The following ZNF473 variants were observed in gnomAD, a reference collection of about 807,000 sequenced individuals.
ZNF473 encodes zinc finger protein 100 homolog.
ZNF473 carries 4 observed loss-of-function variants against 11.1 expected under a neutral mutation model. The observed-to-expected ratio is 0.36, with a 90% CI of 0.18 to 0.82. ZNF473 has a LOEUF of 0.82. Ranked by LOEUF, ZNF473 falls within the 40% of genes least tolerant of loss-of-function variation. ZNF473 has a pLI of 0.49. For synonymous variants in ZNF473, 404 were observed against 390.4 expected, an observed-to-expected ratio of 1.03 and a Z score of -0.41; for missense variants, 854 against 1,084.0, an observed-to-expected ratio of 0.79 and a Z score of 2.98.
At chr19:50,028,312 A>AC (rs979057208) in intron 1 of ZNF473, among the ~76,000 whole-genome samples, 18 of 145,064 alleles carry the variant, frequency 1.2e-4, no homozygotes, top group South Asian at 2.1e-4. Flanking sequence ...AAAAAAAAAA[A>AC]AACAAATTTA....
In ZNF473 at chr19:50,039,480, AGC is replaced by A. The variant is rs57195202; in HGVS notation, c.136+196_136+197del. On this transcript the variant is annotated intron_variant, in intron 3 of 4. Transcript: ENST00000270617. This position sits in a 1 kb window ranked among gnomAD's most constrained non-coding sequence, Gnocchi z 4.8. Reference sequence around the variant, plus strand: ...ATTTTTGATTGTTACTCCTTGGGCCAGCGCAGCGTGCCGCTAGCATCTAGCTG... The same window carrying A: ...ATTTTTGATTGTTACTCCTTGGGCCAGCAGCGTGCCGCTAGCATCTAGCTG... Among the ~76,000 whole-genome samples the A allele has an allele frequency of 0.052, 7,976 of 152,314 alleles. 684 individuals are homozygous for A. Among genetic ancestry groups the A allele is most frequent in the African/African-American group, 0.18 (7,574 of 41,520 alleles).
chr19:50,043,663 A>G (rs1009819984), intron 4 of ZNF473, among the ~76,000 whole-genome samples: 3 of 151,884 alleles, frequency 2.0e-5, no homozygotes, highest in Admixed American at 6.6e-5. Flanking sequence ...GTGGCAGTGG[A>G]TGGATGAGCA....
rs1362613714 is a variant in ZNF473 at position 50,041,839 on chromosome 19, C to T, written c.226+20C>T. ...GCCCTGGTGAGTGGATGGAGAGGGG[C>T]CCCTTGTGTACCTTCTGTCTTCCAG... On this transcript the variant is annotated intron_variant, in intron 4 of 4. Transcript: ENST00000270617. 4.4e-6 allele frequency: 7 copies of T among 1,593,886 alleles called. No individual in the cohort carries two copies. The highest frequency in any genetic ancestry group is 6.0e-6 in the Non-Finnish European group (7 of 1,168,936).
At chr19:50,026,824 G>C (rs1247025578) in intron 1 of ZNF473, among the ~76,000 whole-genome samples, 1 of 152,142 alleles carries the variant, frequency 6.6e-6, no homozygotes, top group Non-Finnish European at 1.5e-5. Context: ...AACTGCTAAA[G>C]GGGTTTCCAG....
intron 1 of ZNF473, among the ~76,000 whole-genome samples, chr19:50,028,241 C>T (rs1364885969): frequency 2.0e-5 from 3 of 148,194 alleles, no homozygotes; most frequent in South Asian, 4.2e-4. Flanking sequence ...GAGCTTGCAG[C>T]GAGCTGAGAT....
chr19:50,047,263 C>G lies in ZNF473; in HGVS notation c.*204C>G. The G allele has an allele frequency of 3.6e-6, 2 of 557,916 alleles. No homozygotes were observed. Among genetic ancestry groups the G allele is most frequent in the Non-Finnish European group, 6.3e-6 (2 of 317,550 alleles). The allele number at this position is 557,916 out of a possible 1,614,324, so 34.6% of individuals were successfully genotyped here. On this transcript the variant is annotated 3_prime_UTR_variant, in exon 5 of 5. Transcript: ENST00000270617. ...CAGGATTCAGAGGTAGGCTCTGGAG[C>G]CAGTCTACCTTGAGTTAAATCCCAC...
chr19:50,046,441 A>G lies in ZNF473; in HGVS notation c.1998A>G (p.Leu666=), dbSNP rs1979128952. 2 of 1,614,138 alleles carry G rather than the reference A, an allele frequency of 1.2e-6. No homozygotes were observed. Among genetic ancestry groups the G allele is most frequent in the African/African-American group, 1.3e-5 (1 of 74,944 alleles). ...GTGCACACCTCTCAAAACATCAGTT[A>G]ATTCACGCTGGAGAGAATCCCTTTA... ...SHSAHLSKHQ[L]IHAGENPFKC... The change falls in exon 5 of 5, where the codon TTA becomes TTG. Residue 666 remains leucine, a synonymous_variant. Transcript: ENST00000270617. This position sits in a 1 kb window ranked among gnomAD's most constrained non-coding sequence, Gnocchi z 5.9.
chr19:50,044,952 T>C lies in ZNF473; in HGVS notation c.509T>C (p.Val170Ala), dbSNP rs1978985448. Residue 170 changes from valine to alanine, a missense_variant, in exon 5 of 5, where the codon GTG (valine) becomes GCG (alanine). Transcript: ENST00000270617. Reference protein sequence around the residue: ...STVSTGEDSMVHNVSEKTLTP... With the variant: ...STVSTGEDSMAHNVSEKTLTP... The stretch of plus-strand genomic sequence containing the variant: ...GTTTCCACGGGAGAAGATTCCATGG[T>C]GCATAATGTTTCTGAAAAGACCCTC... The C allele has an allele frequency of 1.2e-6, 2 of 1,614,178 alleles. No homozygotes were observed. Among genetic ancestry groups the C allele is most frequent in the Non-Finnish European group, 1.7e-6 (2 of 1,180,040 alleles).
chr19:50,041,901 G>T lies in ZNF473; in HGVS notation c.226+82G>T, dbSNP rs144487083. 8.5e-4 allele frequency: 975 copies of T among 1,146,054 alleles called. 22 individuals are homozygous for T. The East Asian group carries it at 0.019, about 22-fold the overall frequency. The allele number at this position is 1,146,054 out of a possible 1,614,324, so 71.0% of individuals were successfully genotyped here. On this transcript the variant is annotated intron_variant, in intron 4 of 4. Coordinates refer to ENST00000270617, the MANE Select transcript of ZNF473 (RefSeq NM_015428.4). ...GAGGCTGCAGCCAGCTTTCCCACAG[G>T]TCTACCGAGACATTACAACGCTCAG...
In ZNF473 at chr19:50,046,339, C is replaced by T. The variant is rs759406236; in HGVS notation, c.1896C>T (p.Ser632=). The change falls in exon 5 of 5, where the codon TCC becomes TCT. Residue 632 remains serine, a synonymous_variant. Transcript: ENST00000270617. This position sits in a 1 kb window ranked among gnomAD's most constrained non-coding sequence, Gnocchi z 5.9. The stretch of plus-strand genomic sequence containing the variant: ...AAGGGAAAGCCATCAGCAGTGCCTC[C>T]CTTATCAAACTTCAGTCCTTCCACA... ...GEQGKAISSA[S]LIKLQSFHTK... is the part of the protein sequence containing the mutation. 1 of 1,614,144 alleles carries T rather than the reference C, an allele frequency of 6.2e-7. No individual in the cohort carries two copies. The highest frequency in any genetic ancestry group is 1.1e-5 in the South Asian group (1 of 91,086).
intron 2 of ZNF473, among the ~76,000 whole-genome samples, chr19:50,036,691 A>G (rs540138081): frequency 1.3e-4 from 20 of 152,128 alleles, no homozygotes; most frequent in African/African-American, 3.9e-4. Flanking sequence ...TCATTTATTC[A>G]TGGAATAATG....
At chr19:50,027,234 G>A (rs1385374235) in intron 1 of ZNF473, among the ~76,000 whole-genome samples, 1 of 152,174 alleles carries the variant, frequency 6.6e-6, no homozygotes, top group Admixed American at 6.5e-5. Flanking sequence ...GGCAAGGTGT[G>A]AATATTCACA....
Position 50,045,059 on chromosome 19 carries a change from G to T in ZNF473, c.616G>T (p.Glu206Ter). 2 of 1,614,196 alleles carry T rather than the reference G, an allele frequency of 1.2e-6. No homozygotes were observed. The highest frequency in any genetic ancestry group is 1.7e-6 in the Non-Finnish European group (2 of 1,180,036). ...CCAGCAGGATTCTGTTCAGGAAGGG[G>T]AGAAACCATATCAATGTAGTGAATG... ...HSQQDSVQEG[E>*]KPYQCSECGK... is the part of the protein sequence containing the mutation. The change falls in exon 5 of 5, where the codon GAG (glutamate) becomes TAG (stop). Residue 206 changes from glutamate to a stop codon, truncating the protein, a stop_gained. Coordinates refer to ENST00000270617, the MANE Select transcript of ZNF473 (RefSeq NM_015428.4). LOFTEE classifies it low-confidence loss of function (END_TRUNC).
rs763237928 is a variant in ZNF473 at position 50,031,034 on chromosome 19, G to A, written c.-49G>A. ...CACAGCCCTGCCAGCCGGGAACACG[G>A]AGGGGAAGGAGGAGGAGCTTAAAAG... On this transcript the variant is annotated 5_prime_UTR_variant, in exon 2 of 5. Coordinates refer to ENST00000270617, the MANE Select transcript of ZNF473 (RefSeq NM_015428.4). 1 of 1,557,902 alleles carries A rather than the reference G, an allele frequency of 6.4e-7. No individual in the cohort carries two copies. Among genetic ancestry groups the A allele is most frequent in the East Asian group, 2.4e-5 (1 of 41,274 alleles).
intron 1 of ZNF473, among the ~76,000 whole-genome samples, chr19:50,029,929 G>T (rs2077309402): frequency 6.6e-6 from 1 of 151,748 alleles, no homozygotes. Flanking sequence ...TCGGTTCACT[G>T]CAGCCTCTGC....
At position 50,026,082 on chromosome 19, in the gene ZNF473, C is replaced by G. The variant is rs1035358328; in HGVS notation, c.-232C>G. 4.6e-5 allele frequency: 7 copies of G among 152,774 alleles called. No individual in the cohort carries two copies. Among genetic ancestry groups the G allele is most frequent in the African/African-American group, 1.4e-4 (6 of 41,560 alleles). The allele number at this position is 152,774 out of a possible 1,614,324, so 9.5% of individuals were successfully genotyped here. On this transcript the variant is annotated 5_prime_UTR_variant, in exon 1 of 5. Transcript: ENST00000270617. ...AGTTGAATCTCCCGCTCCCTTGAGG[C>G]TGGGGTTGCGTCTGTTGACGCGGCC...
At chr19:50,036,081 C>T (rs531445208) in intron 2 of ZNF473, among the ~76,000 whole-genome samples, 4 of 152,066 alleles carry the variant, frequency 2.6e-5, no homozygotes, top group South Asian at 2.1e-4. Context: ...CTCAGCCTCC[C>T]GAGTAGCTGG....
At chr19:50,043,760 G>T (rs983372031) in intron 4 of ZNF473, among the ~76,000 whole-genome samples, 1 of 152,114 alleles carries the variant, frequency 6.6e-6, no homozygotes, top group African/African-American at 2.4e-5. Flanking sequence ...AGGATGGTCA[G>T]TGCTCAGCTG....
chr19:50,033,149 AT>A (rs2077326292), intron 2 of ZNF473, among the ~76,000 whole-genome samples: 1 of 152,186 alleles, frequency 6.6e-6, no homozygotes, highest in African/African-American at 2.4e-5. Flanking sequence ...TGCAGGCAGT[AT>A]TAAGGATTAT....
Sources: allele counts gnomAD v4.1 joint callset (sites outside exome capture counted in the v4.1 genomes callset), GRCh38; gene constraint gnomAD v4.1.1; non-coding constraint Gnocchi (gnomAD v3.1); transcripts MANE v1.5; gene names NCBI Gene and HGNC (gene_info 2026-07-23, HGNC 2026-07-21).